The following GAS2 variants were observed in gnomAD, a reference collection of about 807,000 sequenced individuals.
GAS2 encodes the protein growth arrest specific 2, also known as growth arrest-specific protein 2.
A neutral mutation model predicts 37.5 loss-of-function variants in GAS2; 20 were observed. The observed-to-expected ratio is 0.53, with a 90% CI of 0.37 to 0.77. The LOEUF is 0.77. Among genes scored for constraint, GAS2 ranks in the 30% least tolerant of loss-of-function variants. GAS2 has a pLI of 0.00. For synonymous variants in GAS2, 144 were observed against 132.2 expected (o/e 1.09, Z -0.61); for missense variants, 336 against 373.4 (o/e 0.90, Z 0.82).
intron 7 of GAS2, among the ~76,000 whole-genome samples, chr11:22,789,303 T>TATATATATATATATATATACACACAC (rs1350750428): frequency 9.0e-6 from 1 of 111,120 alleles, no homozygotes; most frequent in African/African-American, 3.7e-5. Context: ...TATATATATA[T>TATATATATATATATATATACACACAC]ACACACACAC....
intron 3 of GAS2, among the ~76,000 whole-genome samples, chr11:22,699,394 A>G (rs1565095461): frequency 6.6e-6 from 1 of 152,102 alleles, no homozygotes; most frequent in African/African-American, 2.4e-5. Flanking sequence ...TTAAATCTGA[A>G]ATTATTGGAA....
intron 3 of GAS2, among the ~76,000 whole-genome samples, chr11:22,715,348 C>G (rs571577760): frequency 3.7e-4 from 55 of 149,620 alleles, no homozygotes; most frequent in Non-Finnish European, 6.4e-4. Context: ...GTAGTCCCAG[C>G]TACTCAGAAG....
chr11:22,677,769 A>C lies in GAS2; in HGVS notation c.145+2755A>C, dbSNP rs898143001. Among the ~76,000 whole-genome samples the C allele has an allele frequency of 4.6e-5, 7 of 152,134 alleles. No homozygotes were observed. In the East Asian group the frequency reaches 1.2e-3, roughly 25 times the overall value. ...TTCTGGCTCTGCTACTTGGTAGGAAACTTGCCCAAAGTCACTCAGCTATCT... is the reference window on the plus strand; with the variant it reads ...TTCTGGCTCTGCTACTTGGTAGGAACCTTGCCCAAAGTCACTCAGCTATCT... On this transcript the variant is annotated intron_variant, in intron 2 of 7. Coordinates refer to ENST00000454584, the MANE Select transcript of GAS2 (RefSeq NM_001143830.3).
At chr11:22,775,495 T>G (rs149968727) in intron 7 of GAS2, among the ~76,000 whole-genome samples, 45 of 152,312 alleles carry the variant, frequency 3.0e-4, no homozygotes, top group African/African-American at 1.0e-3. Context: ...CTGCCTGGCA[T>G]GGAGGAATTG....
At chr11:22,650,437 T>C (rs1438822832) in intron 1 of GAS2, among the ~76,000 whole-genome samples, 4 of 151,780 alleles carry the variant, frequency 2.6e-5, no homozygotes, top group Admixed American at 1.3e-4. Flanking sequence ...ATTAGGTCCG[T>C]TTGGTGCAGA....
intron 3 of GAS2, among the ~76,000 whole-genome samples, chr11:22,690,101 G>C (rs1850167101): frequency 6.6e-6 from 1 of 151,916 alleles, no homozygotes; most frequent in Non-Finnish European, 1.5e-5. Context: ...TACTATTCTT[G>C]GTTGATAGTT....
intron 3 of GAS2, among the ~76,000 whole-genome samples, chr11:22,704,189 CACTTA>C (rs1850987851): frequency 6.6e-6 from 1 of 152,010 alleles, no homozygotes; most frequent in Admixed American, 6.6e-5. Flanking sequence ...AGATCAGGAT[CACTTA>C]AGTGCTTTTG....
chr11:22,752,830 C>T (rs1853818254), intron 6 of GAS2, among the ~76,000 whole-genome samples: 1 of 151,974 alleles, frequency 6.6e-6, no homozygotes, highest in South Asian at 2.1e-4. Flanking sequence ...TTGTTTGATA[C>T]TTAGGGGAAT....
chr11:22,737,696 G>A lies in GAS2; in HGVS notation c.410-9G>A, dbSNP rs762324906. ...TTGTAAAGGTGTTCGCCTCTGTCTT[G>A]TCTTTCAGTCCTCCACAAGCAACCC... On this transcript the variant is annotated splice_polypyrimidine_tract_variant and intron_variant, in intron 4 of 7. Transcript: ENST00000454584. The A allele has an allele frequency of 1.2e-5, 20 of 1,614,048 alleles. No homozygotes were observed. The South Asian group carries it at 2.2e-4, about 18-fold the overall frequency.
intron 3 of GAS2, among the ~76,000 whole-genome samples, chr11:22,724,795 A>G (rs1326929903): frequency 6.6e-6 from 1 of 152,038 alleles, no homozygotes; most frequent in African/African-American, 2.4e-5. Flanking sequence ...CACCCATTTT[A>G]AGTGATGTGG....
In GAS2 at chr11:22,726,304, A is replaced by G; in HGVS notation, c.280A>G (p.Lys94Glu). The G allele has an allele frequency of 6.2e-7, 1 of 1,601,796 alleles. No individual in the cohort carries two copies. Among genetic ancestry groups the G allele is most frequent in the East Asian group, 2.2e-5 (1 of 44,776 alleles). The change falls in exon 4 of 8, where the codon AAG (lysine) becomes GAG (glutamate). Residue 94 changes from lysine (K) to glutamate (E), a missense_variant. By Grantham distance (56) the Lys-to-Glu change is moderately conservative (BLOSUM62 1). Transcript: ENST00000454584. ...ANKPTKNLPL[K>E]KIPCKTSAPS... The stretch of plus-strand genomic sequence containing the variant: ...CTTTATTTTTCAGAATCTACCGTTG[A>G]AGAAGATCCCATGCAAAACCAGTGC...
intron 3 of GAS2, among the ~76,000 whole-genome samples, chr11:22,722,964 A>G (rs1044580367): frequency 1.3e-5 from 2 of 151,896 alleles, no homozygotes; most frequent in Non-Finnish European, 2.9e-5. Flanking sequence ...TTCCATAAAC[A>G]TATCAGGTGA....
rs779181514 is a variant in GAS2 at position 22,692,417 on chromosome 11, T to G, written c.267+6628T>G. ...TGCCCAAGGTGGTAGGGGCACAGCT[T>G]AGTTTTATACATTTTATGGAGACAT... On this transcript the variant is annotated intron_variant, in intron 3 of 7. Transcript: ENST00000454584. Among the ~76,000 whole-genome samples the G allele has an allele frequency of 1.4e-4, 21 of 152,284 alleles. 1 individual carries two copies. The highest frequency in any genetic ancestry group is 1.0e-3 in the South Asian group (5 of 4,818).
At chr11:22,718,528 G>C (rs1229215918) in intron 3 of GAS2, among the ~76,000 whole-genome samples, 6 of 151,726 alleles carry the variant, frequency 4.0e-5, no homozygotes, top group African/African-American at 1.5e-4. Flanking sequence ...GGTGGGAGGG[G>C]GTTGAGGGAT....
chr11:22,701,579 A>G (rs1352102645), intron 3 of GAS2, among the ~76,000 whole-genome samples: 1 of 152,226 alleles, frequency 6.6e-6, no homozygotes, highest in African/African-American at 2.4e-5. Flanking sequence ...CTGTAATCCC[A>G]GCACTTTGGG....
intron 3 of GAS2, among the ~76,000 whole-genome samples, chr11:22,708,664 T>C (rs1851249379): frequency 6.6e-6 from 1 of 152,158 alleles, no homozygotes; most frequent in Non-Finnish European, 1.5e-5. Flanking sequence ...ATTTATTCAA[T>C]AAATGTTTCA....
intron 7 of GAS2, among the ~76,000 whole-genome samples, chr11:22,808,046 T>C (rs917506117): frequency 2.0e-5 from 3 of 152,146 alleles, no homozygotes; most frequent in African/African-American, 7.2e-5. Context: ...ATCATAAACA[T>C]CAGTTCTATG....
At chr11:22,787,414 CAT>C (rs1034079711) in intron 7 of GAS2, among the ~76,000 whole-genome samples, 1 of 152,056 alleles carries the variant, frequency 6.6e-6, no homozygotes, top group African/African-American at 2.4e-5. Flanking sequence ...ATGTGCATAA[CAT>C]ACAATTATAT....
chr11:22,790,245 C>A (rs1372435567), intron 7 of GAS2, among the ~76,000 whole-genome samples: 1 of 152,142 alleles, frequency 6.6e-6, no homozygotes, highest in East Asian at 1.9e-4. Context: ...TGCAGTCAAC[C>A]CTCTTTAGCC....
Sources: allele counts gnomAD v4.1 joint callset (sites outside exome capture counted in the v4.1 genomes callset), GRCh38; gene constraint gnomAD v4.1.1; transcripts MANE v1.5; gene names NCBI Gene and HGNC (gene_info 2026-07-23, HGNC 2026-07-21).